ARIH1: variants seen among roughly 807,000 people sequenced by gnomAD.
The protein encoded by ARIH1 is E3 ubiquitin-protein ligase ARIH1.
ARIH1 carries 8 observed loss-of-function variants against 85.0 expected under a neutral mutation model. That is an observed-to-expected ratio of 0.09 (90% CI 0.06 to 0.17). The LOEUF (loss-of-function observed/expected upper bound fraction) is 0.17. Among genes scored for constraint, ARIH1 ranks in the 10% least tolerant of loss-of-function variants. The pLI, the probability that ARIH1 is intolerant of heterozygous loss-of-function variation, is 1.00. For missense variants in ARIH1, 311 were observed against 718.1 expected, an observed-to-expected ratio of 0.43 and a Z score of 6.48; for synonymous variants, 238 against 253.6, an observed-to-expected ratio of 0.94 and a Z score of 0.59.
intron 6 of ARIH1, among the ~76,000 whole-genome samples, chr15:72,562,606 G>GT (rs904441735): frequency 1.1e-3 from 154 of 142,158 alleles, no homozygotes; most frequent in East Asian, 5.4e-3. Flanking sequence ...TTTTTTGTTT[G>GT]TTTTTTTTTT....
intron 11 of ARIH1, among the ~76,000 whole-genome samples, chr15:72,573,004 T>C (rs1461718266): frequency 1.3e-5 from 2 of 152,176 alleles, no homozygotes; most frequent in African/African-American, 2.4e-5. Flanking sequence ...TTATTGTAAT[T>C]GTGGAACCCT....
chr15:72,578,363 G>A lies in ARIH1; in HGVS notation c.1216-2368G>A, dbSNP rs114101312. Reference sequence around the variant, plus strand: ...TCCAGACTTCCATGATGTTCTGTGGGGGTTCTCTTCGATAGCATTGACAGT... The same window carrying A: ...TCCAGACTTCCATGATGTTCTGTGGAGGTTCTCTTCGATAGCATTGACAGT... On this transcript the variant is annotated intron_variant, in intron 11 of 13. Transcript: ENST00000379887. Among the ~76,000 whole-genome samples, 666 of 152,182 alleles carry A rather than the reference G, an allele frequency of 4.4e-3. 6 individuals carry two copies. The highest frequency in any genetic ancestry group is 0.015 in the African/African-American group (641 of 41,506).
intron 2 of ARIH1, among the ~76,000 whole-genome samples, chr15:72,531,605 A>G (rs766448300): frequency 2.6e-4 from 39 of 152,196 alleles, no homozygotes; most frequent in Non-Finnish European, 1.0e-4. Context: ...TAAAACTACA[A>G]AATCAGCAAA....
chr15:72,579,833 A>G (rs1487321190), intron 11 of ARIH1, among the ~76,000 whole-genome samples: 1 of 152,242 alleles, frequency 6.6e-6, no homozygotes, highest in Non-Finnish European at 1.5e-5. Context: ...TGGACAAATC[A>G]TAATTATACA....
chr15:72,575,962 A>C (rs528683375), intron 11 of ARIH1, among the ~76,000 whole-genome samples: 1 of 152,060 alleles, frequency 6.6e-6, no homozygotes, highest in South Asian at 2.1e-4. Flanking sequence ...TCCTGCCTCA[A>C]CCTCTGCATT....
Position 72,600,653 on chromosome 15 carries a change from G to C in ARIH1, c.*17361G>C, listed in dbSNP as rs182417549. 6.6e-6 allele frequency: 1 copy of C among 152,318 alleles called. No homozygotes were observed. Among genetic ancestry groups the C allele is most frequent in the East Asian group, 1.9e-4 (1 of 5,188 alleles). The allele number at this position is 152,318 out of a possible 1,614,324, so 9.4% of individuals were successfully genotyped here. ...CTGCCTCAGCATCTCAAAGTGTTGG[G>C]ATTACAGGTGTGAACCATAGTATCC... On this transcript the variant is annotated 3_prime_UTR_variant, in exon 14 of 14. Coordinates refer to ENST00000379887, the MANE Select transcript of ARIH1 (RefSeq NM_005744.5).
chr15:72,510,609 C>T (rs183676399), intron 1 of ARIH1, among the ~76,000 whole-genome samples: 13 of 151,258 alleles, frequency 8.6e-5, no homozygotes, highest in African/African-American at 2.7e-4. Context: ...TGGTGGTGGG[C>T]GCCTGTATTC....
At chr15:72,514,639 G>C (rs2063966167) in intron 1 of ARIH1, among the ~76,000 whole-genome samples, 1 of 151,894 alleles carries the variant, frequency 6.6e-6, no homozygotes, top group Admixed American at 6.6e-5. Context: ...AAGAGGTTGA[G>C]GCTGCAGCAA....
intron 1 of ARIH1, among the ~76,000 whole-genome samples, chr15:72,503,388 C>T (rs921047411): frequency 1.3e-5 from 2 of 152,334 alleles, no homozygotes; most frequent in East Asian, 1.9e-4. Flanking sequence ...GCAGTTGTGA[C>T]AGTGGCAACT....
intron 2 of ARIH1, among the ~76,000 whole-genome samples, chr15:72,535,126 T>C (rs2140419358): frequency 1.3e-5 from 2 of 150,916 alleles, no homozygotes; most frequent in South Asian, 4.3e-4. Context: ...TAATTTTTTG[T>C]ATTTTTAGTA....
intron 3 of ARIH1, among the ~76,000 whole-genome samples, chr15:72,546,939 G>GC (rs56179610): frequency 0.76 from 108,123 of 142,994 alleles, 46,214 homozygotes; most frequent in Non-Finnish European, 0.93. Context: ...TTTGGAGGGG[G>GC]GGGGGTGGGA....
chr15:72,555,726 G>A, intron 4 of ARIH1, 126 bp from the exon 5 acceptor site: 1 of 772,134 alleles, frequency 1.3e-6, no homozygotes. Context: ...CCTTTAAGGA[G>A]AAAGGGAAGG....
In ARIH1 at chr15:72,602,969, A is replaced by T. The variant is rs1192858219; in HGVS notation, c.*19677A>T. 1 of 152,174 alleles carries T rather than the reference A, an allele frequency of 6.6e-6. No homozygotes were observed. Among genetic ancestry groups the T allele is most frequent in the Non-Finnish European group, 1.5e-5 (1 of 68,038 alleles). 9.4% of individuals were successfully genotyped at this position (152,174 alleles called of 1,614,324 possible). On this transcript the variant is annotated 3_prime_UTR_variant, in exon 14 of 14. Coordinates refer to ENST00000379887, the MANE Select transcript of ARIH1 (RefSeq NM_005744.5). The stretch of plus-strand genomic sequence containing the variant: ...CTATGGCAAACATTTTTTTCCAGAA[A>T]TATATCAGATAAAATGAACATGTGG...
chr15:72,593,941 T>C lies in ARIH1; in HGVS notation c.*10649T>C, dbSNP rs552089216. 2 of 151,732 alleles carry C rather than the reference T, an allele frequency of 1.3e-5. No individual in the cohort carries two copies. The highest frequency in any genetic ancestry group is 3.9e-4 in the East Asian group (2 of 5,178). 9.4% of individuals were successfully genotyped at this position (151,732 alleles called of 1,614,324 possible). The stretch of plus-strand genomic sequence containing the variant: ...AGAAAAGAAAAAACTGCTAGAATCT[T>C]GATATGGGGTTTTGTTGAGTCTATA... On this transcript the variant is annotated 3_prime_UTR_variant, in exon 14 of 14. Transcript: ENST00000379887.
chr15:72,535,790 G>C (rs541073888), intron 2 of ARIH1, among the ~76,000 whole-genome samples: 1 of 150,518 alleles, frequency 6.6e-6, no homozygotes, highest in Admixed American at 6.6e-5. Context: ...TTTAATGCAC[G>C]TATTTGGAAA....
At chr15:72,551,490 G>A (rs576911752) in intron 3 of ARIH1, among the ~76,000 whole-genome samples, 1 of 152,248 alleles carries the variant, frequency 6.6e-6, no homozygotes, top group South Asian at 2.1e-4. Context: ...AGTCAAATAT[G>A]CATAAGGAGA....
At chr15:72,492,273 A>G (rs922081250) in intron 1 of ARIH1, among the ~76,000 whole-genome samples, 2 of 152,214 alleles carry the variant, frequency 1.3e-5, no homozygotes, top group Non-Finnish European at 2.9e-5. Flanking sequence ...ACAAACTTAG[A>G]CTAGTGGTCC....
intron 2 of ARIH1, among the ~76,000 whole-genome samples, chr15:72,543,379 T>C (rs1253960497): frequency 6.6e-6 from 1 of 152,100 alleles, no homozygotes; most frequent in Non-Finnish European, 1.5e-5. Context: ...GCATTTGATT[T>C]TCTGCTTTAA....
chr15:72,589,048 G>C lies in ARIH1; in HGVS notation c.*5756G>C, dbSNP rs372470363. ...GTAGTAAGAATATTGGTATTTCTCAGCCATAGATTTCCCTTTTGTAAAATG... is the reference window on the plus strand; with the variant it reads ...GTAGTAAGAATATTGGTATTTCTCACCCATAGATTTCCCTTTTGTAAAATG... On this transcript the variant is annotated 3_prime_UTR_variant, in exon 14 of 14. Coordinates refer to ENST00000379887, the MANE Select transcript of ARIH1 (RefSeq NM_005744.5). 6.6e-6 allele frequency: 1 copy of C among 152,096 alleles called. No homozygotes were observed. The highest frequency in any genetic ancestry group is 1.9e-4 in the East Asian group (1 of 5,198). 9.4% of individuals were successfully genotyped at this position (152,096 alleles called of 1,614,324 possible).
Sources: allele counts gnomAD v4.1 joint callset (sites outside exome capture counted in the v4.1 genomes callset), GRCh38; gene constraint gnomAD v4.1.1; transcripts MANE v1.5; gene names NCBI Gene and HGNC (gene_info 2026-07-23, HGNC 2026-07-21).